The following TRAM2 variants were observed in gnomAD, a reference collection of about 807,000 sequenced individuals.
TRAM2 encodes translocation associated membrane protein 2.
Under a neutral mutation model 51.0 loss-of-function variants are expected in TRAM2, and 12 were observed. That is an observed-to-expected ratio of 0.24 (90% CI 0.15 to 0.38). The LOEUF (loss-of-function observed/expected upper bound fraction) is 0.38, where lower values mean the gene tolerates loss of function less well. Among genes scored for constraint, TRAM2 ranks in the 10% least tolerant of loss-of-function variants. The pLI, the probability that TRAM2 is intolerant of heterozygous loss-of-function variation, is 1.00. For synonymous variants in TRAM2, 175 were observed against 179.4 expected, an observed-to-expected ratio of 0.98 and a Z score of 0.20; for missense variants, 361 against 462.0, an observed-to-expected ratio of 0.78 and a Z score of 2.00.
chr6:52,569,928 A>G (rs1245418050), intron 1 of TRAM2, among the ~76,000 whole-genome samples: 1 of 152,210 alleles, frequency 6.6e-6, no homozygotes, highest in Non-Finnish European at 1.5e-5. Context: ...CAGTGGGCAG[A>G]GCTGTAGAAG....
In TRAM2 at chr6:52,499,591, T is replaced by C. The variant is rs1400791485; in HGVS notation, c.*3606A>G. ...ATGCACTCTTTCACCCAACCTCTTA[T>C]TAGCTGCTTAGAAAAAAGAAGGGGT... On this transcript the variant is annotated 3_prime_UTR_variant, in exon 11 of 11. Coordinates refer to ENST00000182527, the MANE Select transcript of TRAM2 (RefSeq NM_012288.4). 2 of 152,080 alleles carry C rather than the reference T, an allele frequency of 1.3e-5. No individual in the cohort carries two copies. Among genetic ancestry groups the C allele is most frequent in the African/African-American group, 4.8e-5 (2 of 41,386 alleles). The allele number at this position is 152,080 out of a possible 1,614,324, so 9.4% of individuals were successfully genotyped here. A position where few individuals can be genotyped will look rare whatever the true frequency, so the allele number is the denominator to read the frequency against.
In TRAM2 at chr6:52,498,018, A is replaced by C. The variant is rs1562470698; in HGVS notation, c.*5179T>G. The C allele has an allele frequency of 6.6e-6, 1 of 152,218 alleles. No homozygotes were observed. Among genetic ancestry groups the C allele is most frequent in the African/African-American group, 2.4e-5 (1 of 41,448 alleles). 9.4% of individuals were successfully genotyped at this position (152,218 alleles called of 1,614,324 possible). Reference sequence around the variant, plus strand: ...CAATGACTTAAGCCCCATCGTGAGAATGGTTTTTTCCTCTTCAACACATTT... The same window carrying C: ...CAATGACTTAAGCCCCATCGTGAGACTGGTTTTTTCCTCTTCAACACATTT... On this transcript the variant is annotated 3_prime_UTR_variant, in exon 11 of 11. Coordinates refer to ENST00000182527, the MANE Select transcript of TRAM2 (RefSeq NM_012288.4).
intron 1 of TRAM2, among the ~76,000 whole-genome samples, chr6:52,553,857 A>C (rs771269298): frequency 3.3e-5 from 5 of 152,216 alleles, no homozygotes; most frequent in African/African-American, 4.8e-5. Flanking sequence ...TATTCAATAA[A>C]TAACAATTAG....
chr6:52,567,565 T>C (rs983375561), intron 1 of TRAM2, among the ~76,000 whole-genome samples: 1 of 152,262 alleles, frequency 6.6e-6, no homozygotes, highest in Non-Finnish European at 1.5e-5. Context: ...AAATGTACTA[T>C]GCAGCAGACC....
intron 1 of TRAM2, among the ~76,000 whole-genome samples, chr6:52,543,888 G>A (rs1489320349): frequency 6.6e-6 from 1 of 152,132 alleles, no homozygotes; most frequent in Non-Finnish European, 1.5e-5. Flanking sequence ...ACATACTCAG[G>A]GTAGCTGGAC....
chr6:52,516,516 A>G (rs538404087), intron 3 of TRAM2, 112 bp downstream of exon 3: 1 of 887,984 alleles, frequency 1.1e-6, no homozygotes, highest in East Asian at 2.5e-5. Context: ...CAACCAGTGC[A>G]AGCAAGTTGG....
At chr6:52,573,683 G>C (rs1767717617) in intron 1 of TRAM2, among the ~76,000 whole-genome samples, 1 of 152,212 alleles carries the variant, frequency 6.6e-6, no homozygotes, top group Admixed American at 6.5e-5. Flanking sequence ...ATTATCCCAA[G>C]GGAAAGAATT....
intron 4 of TRAM2, among the ~76,000 whole-genome samples, chr6:52,512,290 A>G (rs1302019164): frequency 3.3e-5 from 5 of 152,196 alleles, no homozygotes; most frequent in Non-Finnish European, 7.3e-5. Context: ...CTTAGAGACA[A>G]AGAGGTCAGA....
chr6:52,552,548 G>T (rs1440935503), intron 1 of TRAM2, among the ~76,000 whole-genome samples: 2 of 152,184 alleles, frequency 1.3e-5, no homozygotes, highest in Non-Finnish European at 2.9e-5. Flanking sequence ...ACCTCACTGG[G>T]CCTCAGAGTT....
At chr6:52,573,628 G>C (rs920813597) in intron 1 of TRAM2, among the ~76,000 whole-genome samples, 2 of 152,176 alleles carry the variant, frequency 1.3e-5, no homozygotes, top group African/African-American at 2.4e-5. Flanking sequence ...ATAGGGGTGA[G>C]TGGTGAGGGG....
At chr6:52,555,915 T>C (rs565564022) in intron 1 of TRAM2, among the ~76,000 whole-genome samples, 2 of 152,312 alleles carry the variant, frequency 1.3e-5, no homozygotes, top group Admixed American at 6.5e-5. Context: ...AAGTGGTATT[T>C]ACACAGAAAA....
intron 9 of TRAM2, 97 bp downstream of exon 9, chr6:52,505,502 G>C: frequency 2.1e-6 from 3 of 1,457,802 alleles, no homozygotes; most frequent in Non-Finnish European, 1.8e-6. Flanking sequence ...CAATATGTGG[G>C]AGACTAAAGG....
intron 1 of TRAM2, among the ~76,000 whole-genome samples, chr6:52,545,854 G>A (rs1356224420): frequency 6.6e-6 from 1 of 152,022 alleles, no homozygotes; most frequent in Non-Finnish European, 1.5e-5. Context: ...GCCCTACCTT[G>A]CTTTTCATGT....
At chr6:52,534,914 G>A (rs1304663044) in intron 2 of TRAM2, among the ~76,000 whole-genome samples, 2 of 152,204 alleles carry the variant, frequency 1.3e-5, no homozygotes, top group Non-Finnish European at 2.9e-5. Context: ...GCATGATGCT[G>A]GCTGGGCTCC....
In TRAM2 at chr6:52,576,990, G is replaced by T. The variant is rs1357007100; in HGVS notation, c.-75C>A. 2 of 1,342,712 alleles carry T rather than the reference G, an allele frequency of 1.5e-6. No homozygotes were observed. The highest frequency in any genetic ancestry group is 1.9e-6 in the Non-Finnish European group (2 of 1,053,956). The allele number at this position is 1,342,712 out of a possible 1,614,324, so 83.2% of individuals were successfully genotyped here. ...CCGCAGCGCAAACTTCTCCAGCACCGGCCCGGTCCGCCCGCCGGCCCGCCG... is the reference window on the plus strand; with the variant it reads ...CCGCAGCGCAAACTTCTCCAGCACCTGCCCGGTCCGCCCGCCGGCCCGCCG... On this transcript the variant is annotated 5_prime_UTR_variant, in exon 1 of 11. Transcript: ENST00000182527.
Position 52,502,947 on chromosome 6 carries a change from G to T in TRAM2, c.*250C>A. 1.7e-6 allele frequency: 1 copy of T among 574,738 alleles called. No homozygotes were observed. The highest frequency in any genetic ancestry group is 3.1e-6 in the Non-Finnish European group (1 of 322,650). The allele number at this position is 574,738 out of a possible 1,614,324, so 35.6% of individuals were successfully genotyped here. A position where few individuals can be genotyped will look rare whatever the true frequency, so the allele number is the denominator to read the frequency against. ...CCAGAAAAGCCAGCACAGGACAGGA[G>T]TGAGGACAGGAGGTGGCCTGAGGGG... is the stretch of plus-strand genomic sequence containing the variant. On this transcript the variant is annotated 3_prime_UTR_variant, in exon 11 of 11. Coordinates refer to ENST00000182527, the MANE Select transcript of TRAM2 (RefSeq NM_012288.4).
At chr6:52,511,699 T>A (rs1766454426) in intron 4 of TRAM2, among the ~76,000 whole-genome samples, 1 of 152,214 alleles carries the variant, frequency 6.6e-6, no homozygotes, top group Non-Finnish European at 1.5e-5. Flanking sequence ...CTGTGACCTA[T>A]CAGCATGCCT....
chr6:52,565,671 T>A (rs924970254), intron 1 of TRAM2, among the ~76,000 whole-genome samples: 4 of 152,242 alleles, frequency 2.6e-5, no homozygotes, highest in Admixed American at 1.3e-4. Context: ...CCAGTCCTCT[T>A]CATGTTATCA....
chr6:52,543,294 AC>A (rs1767139326), intron 1 of TRAM2, among the ~76,000 whole-genome samples: 1 of 152,210 alleles, frequency 6.6e-6, no homozygotes, highest in Admixed American at 6.5e-5. Context: ...AGCATAGCAT[AC>A]TCATAAACCA....
Sources: gnomAD v4.1 joint callset for allele counts (sites outside exome capture counted in the v4.1 genomes callset) on GRCh38, gnomAD v4.1.1 for gene constraint, MANE v1.5 for transcripts, NCBI Gene and HGNC (gene_info 2026-07-23, HGNC 2026-07-21) for gene names.